PCBP2: variants seen among roughly 807,000 people sequenced by gnomAD.
PCBP2 encodes poly(rC) binding protein 2, also known as poly(rC)-binding protein 2.
PCBP2 carries 4 observed loss-of-function variants against 50.1 expected under a neutral mutation model. That is an observed-to-expected ratio of 0.08 (90% confidence interval 0.04 to 0.18). The LOEUF (loss-of-function observed/expected upper bound fraction) is 0.18, where lower values mean the gene tolerates loss of function less well. PCBP2 is among the 10% of genes least tolerant of loss of function. The pLI is 1.00. For missense variants in PCBP2, 161 were observed against 474.3 expected, an observed-to-expected ratio of 0.34 and a Z score of 6.14; for synonymous variants, 179 against 168.0, an observed-to-expected ratio of 1.07 and a Z score of -0.51.
chr12:53,464,895 C>T (rs372796017), intron 9 of PCBP2, 43 bp downstream of exon 9: 43 of 1,551,562 alleles, frequency 2.8e-5, no homozygotes, highest in South Asian at 7.4e-5. Flanking sequence ...TCAATCCTTC[C>T]GCCTCAGCCG....
chr12:53,464,067 T>C (rs540814066), intron 8 of PCBP2, among the ~76,000 whole-genome samples: 10 of 152,174 alleles, frequency 6.6e-5, no homozygotes, highest in East Asian at 1.9e-4. Flanking sequence ...TCAGTCTAGT[T>C]AGTCAGAGTT....
intron 9 of PCBP2, 155 bp downstream of exon 9, chr12:53,465,007 C>T: frequency 1.1e-6 from 1 of 947,918 alleles, no homozygotes; most frequent in South Asian, 3.6e-5. Context: ...CCTCATTTCA[C>T]CCAGGCCGCG....
At chr12:53,478,047 TTGGATTCCAGGACC>T (rs576211100) in intron 14 of PCBP2, among the ~76,000 whole-genome samples, 92 of 152,312 alleles carry the variant, frequency 6.0e-4, no homozygotes, top group Admixed American at 5.5e-3. Context: ...AAGCCCTAAA[TTGGATTCCAGGACC>T]TCAAATGACT....
At chr12:53,475,432 C>T (rs1942514683) in intron 14 of PCBP2, 1 of 305,282 alleles carries the variant, frequency 3.3e-6, no homozygotes, top group African/African-American at 2.2e-5. Flanking sequence ...AATTCTTTAT[C>T]TAGAGCCACA....
At chr12:53,468,127 G>A in intron 12 of PCBP2, 1 of 348,420 alleles carries the variant, frequency 2.9e-6, no homozygotes, top group East Asian at 4.5e-5. Flanking sequence ...ATGGGTACGG[G>A]TATTTGCTGA....
At chr12:53,460,716 G>T in intron 6 of PCBP2, 1 of 273,380 alleles carries the variant, frequency 3.7e-6, no homozygotes, top group Non-Finnish European at 7.2e-6. Flanking sequence ...CTTTTGCTTC[G>T]CCCAGAGAAC....
chr12:53,472,618 T>C (rs1942316533), intron 14 of PCBP2, among the ~76,000 whole-genome samples: 1 of 152,248 alleles, frequency 6.6e-6, no homozygotes, highest in African/African-American at 2.4e-5. Context: ...GAATGTTGTC[T>C]AGTTATCATT....
chr12:53,455,326 C>T lies in PCBP2; in HGVS notation c.70-21C>T, dbSNP rs375674799. The T allele has an allele frequency of 1.4e-5, 23 of 1,609,918 alleles. No homozygotes were observed. The African/African-American group carries it at 1.7e-4, about 12-fold the overall frequency. On this transcript the variant is annotated intron_variant, in intron 2 of 14. Coordinates refer to ENST00000546463, the MANE Select transcript of PCBP2 (RefSeq NM_031989.5). ...ATACTTCTGAGTTTCCTCTTACTGA[C>T]GTTAGTTTTCTCCATTGCAGGAAGT...
At chr12:53,479,101 G>A (rs1942872030) in intron 14 of PCBP2, among the ~76,000 whole-genome samples, 1 of 152,140 alleles carries the variant, frequency 6.6e-6, no homozygotes, top group Non-Finnish European at 1.5e-5. Context: ...ACTCTTTAGA[G>A]GGGCCTGTTT....
intron 13 of PCBP2, among the ~76,000 whole-genome samples, 171 bp downstream of exon 13, chr12:53,469,003 A>G (rs141484555): frequency 0.027 from 4,130 of 150,696 alleles, 199 homozygotes; most frequent in African/African-American, 0.096. Flanking sequence ...CCCGGGTTCA[A>G]CCAATTCTCC....
chr12:53,473,555 A>G (rs926500414), intron 14 of PCBP2, among the ~76,000 whole-genome samples: 3 of 152,196 alleles, frequency 2.0e-5, no homozygotes, highest in African/African-American at 7.2e-5. Context: ...CTCCTGCAAT[A>G]GGTCAGTGGC....
chr12:53,464,798 C>T lies in PCBP2; in HGVS notation c.618C>T (p.Pro206=). The T allele has an allele frequency of 6.2e-7, 1 of 1,612,026 alleles. No individual in the cohort carries two copies. The highest frequency in any genetic ancestry group is 8.5e-7 in the Non-Finnish European group (1 of 1,179,140). ...YSTGSDSASF[P]HTTPSMCLNP... ...CAGGCAGCGACAGTGCGAGCTTTCC[C>T]CACACCACCCCGTCCATGTGCCTCA... The change falls in exon 9 of 15, where the codon CCC becomes CCT. Residue 206 remains proline (P), a synonymous_variant. Transcript: ENST00000546463.
chr12:53,461,086 T>G lies in PCBP2; in HGVS notation c.447T>G (p.Ala149=), dbSNP rs1941416605. ...PNSTERAITI[A]GIPQSIIECV... ...CAACTGAGCGGGCCATCACTATTGC[T>G]GGCATTCCACAATCCATCATTGAGT... Residue 149 remains alanine (A), a synonymous_variant, in exon 7 of 15, where the codon GCT becomes GCG. Coordinates refer to ENST00000546463, the MANE Select transcript of PCBP2 (RefSeq NM_031989.5). 1 of 1,613,986 alleles carries G rather than the reference T, an allele frequency of 6.2e-7. No homozygotes were observed. Among genetic ancestry groups the G allele is most frequent in the South Asian group, 1.1e-5 (1 of 91,072 alleles).
At chr12:53,454,911 G>T in intron 2 of PCBP2, 42 bp downstream of exon 2, 1 of 1,528,316 alleles carries the variant, frequency 6.5e-7, no homozygotes, top group Non-Finnish European at 9.1e-7. Context: ...TAACTGCTAG[G>T]GGAGGGGCCA....
At chr12:53,457,260 C>T (rs1941099501) in intron 5 of PCBP2, among the ~76,000 whole-genome samples, 1 of 152,148 alleles carries the variant, frequency 6.6e-6, no homozygotes. Context: ...GTTATGTTTC[C>T]CAGGCTGGTC....
intron 12 of PCBP2, 180 bp from the exon 13 acceptor site, chr12:53,468,597 C>T (rs975955185): frequency 2.2e-5 from 13 of 597,708 alleles, no homozygotes; most frequent in Non-Finnish European, 3.9e-5. Flanking sequence ...ACCTTTCGAG[C>T]ATTATTTCTA....
At chr12:53,468,895 G>A (rs1941998124) in intron 13 of PCBP2, 63 bp downstream of exon 13, 5 of 1,111,126 alleles carry the variant, frequency 4.5e-6, no homozygotes, top group Admixed American at 1.8e-5. Context: ...AATAGATGTC[G>A]TTTCAGCAGT....
At chr12:53,464,937 T>C in intron 9 of PCBP2, 85 bp downstream of exon 9, 1 of 1,433,804 alleles carries the variant, frequency 7.0e-7, no homozygotes. Context: ...CCAGTGGCGC[T>C]GGTGATTTTT....
At chr12:53,465,449 G>A (rs976360729) in intron 9 of PCBP2, among the ~76,000 whole-genome samples, 2 of 152,090 alleles carry the variant, frequency 1.3e-5, no homozygotes, top group African/African-American at 4.8e-5. Flanking sequence ...AGGTCTTTAG[G>A]CAGATAGAGA....
Sources: gnomAD v4.1 joint callset for allele counts (sites outside exome capture counted in the v4.1 genomes callset) on GRCh38, gnomAD v4.1.1 for gene constraint, MANE v1.5 for transcripts, NCBI Gene and HGNC (gene_info 2026-07-23, HGNC 2026-07-21) for gene names.